NRF1: variants seen among roughly 807,000 people sequenced by gnomAD.
NRF1 encodes the protein nuclear respiratory factor 1.
Under a neutral mutation model 58.5 loss-of-function variants are expected in NRF1, and 5 were observed. The ratio of observed to expected loss-of-function variants is 0.09; its 90% CI spans 0.04 to 0.18. NRF1 has a LOEUF of 0.18. Among genes scored for constraint, NRF1 ranks in the 10% least tolerant of loss-of-function variants. The pLI is 1.00. For missense variants in NRF1, 288 were observed against 657.7 expected, an observed-to-expected ratio of 0.44 and a Z score of 6.15; for synonymous variants, 224 against 246.7, an observed-to-expected ratio of 0.91 and a Z score of 0.86.
chr7:129,612,753 G>C (rs931892767), intron 1 of NRF1, among the ~76,000 whole-genome samples: 1 of 152,146 alleles, frequency 6.6e-6, no homozygotes, highest in African/African-American at 2.4e-5. Context: ...GACCTTTTCG[G>C]GTTTGTCATT....
chr7:129,619,997 G>A (rs1800756544), intron 1 of NRF1, among the ~76,000 whole-genome samples: 1 of 152,018 alleles, frequency 6.6e-6, no homozygotes, highest in Admixed American at 6.6e-5. Flanking sequence ...TGGGGAGAGG[G>A]TCCACAACAT....
At chr7:129,655,023 G>A (rs1233500696) in intron 1 of NRF1, among the ~76,000 whole-genome samples, 1 of 152,174 alleles carries the variant, frequency 6.6e-6, no homozygotes, top group Non-Finnish European at 1.5e-5. Flanking sequence ...GGACAATGTT[G>A]AATCTAGAGA....
intron 1 of NRF1, among the ~76,000 whole-genome samples, chr7:129,620,275 T>C (rs1584578413): frequency 6.6e-6 from 1 of 152,200 alleles, no homozygotes; most frequent in African/African-American, 2.4e-5. Flanking sequence ...TTTCAGAATT[T>C]TGTCAAGTCT....
At chr7:129,613,440 G>A (rs1267664201) in intron 1 of NRF1, among the ~76,000 whole-genome samples, 1 of 152,030 alleles carries the variant, frequency 6.6e-6, no homozygotes, top group Non-Finnish European at 1.5e-5. Context: ...TTATGAGTCC[G>A]AAAGCAGACA....
chr7:129,723,679 T>C (rs1466858672), intron 9 of NRF1, among the ~76,000 whole-genome samples: 1 of 151,896 alleles, frequency 6.6e-6, no homozygotes, highest in East Asian at 1.9e-4. Flanking sequence ...CCTTTCCCTA[T>C]TGAATGGTGT....
intron 1 of NRF1, among the ~76,000 whole-genome samples, chr7:129,614,226 C>T (rs1440467413): frequency 3.3e-5 from 5 of 152,124 alleles, no homozygotes; most frequent in East Asian, 1.9e-4. Flanking sequence ...AGCGATTCTT[C>T]GGCCTCAGCC....
chr7:129,743,346 G>T (rs1055900257), intron 10 of NRF1, among the ~76,000 whole-genome samples: 1 of 152,174 alleles, frequency 6.6e-6, no homozygotes, highest in Non-Finnish European at 1.5e-5. Context: ...AAAACAAGAG[G>T]GCATGTGAAC....
In NRF1 at chr7:129,677,100, TC is replaced by T. The variant is rs368640817; in HGVS notation, c.339-530del. ...ATCTTGGTTCACTGCAACCTCCACC[TC>T]CTGGATTCAAGCAATTCTCGTGCCT... On this transcript the variant is annotated intron_variant, in intron 3 of 10. Coordinates refer to ENST00000393232, the MANE Select transcript of NRF1 (RefSeq NM_005011.5). Among the ~76,000 whole-genome samples the T allele has an allele frequency of 4.7e-3, 673 of 142,216 alleles. 3 individuals are homozygous for T. The highest frequency in any genetic ancestry group is 0.016 in the African/African-American group (636 of 38,960). 93.3% of individuals were successfully genotyped at this position (142,216 alleles called of 152,430 possible). A position where few individuals can be genotyped will look rare whatever the true frequency, so the allele number is the denominator to read the frequency against.
At chr7:129,721,591 C>T (rs1344344064) in intron 9 of NRF1, among the ~76,000 whole-genome samples, 4 of 151,836 alleles carry the variant, frequency 2.6e-5, no homozygotes, top group African/African-American at 7.3e-5. Flanking sequence ...ACACCATTCT[C>T]CTGCCTCGGT....
rs548506607 is a variant in NRF1 at position 129,707,140 on chromosome 7, C to T, written c.607-1935C>T. Among the ~76,000 whole-genome samples the T allele has an allele frequency of 2.0e-5, 3 of 152,134 alleles. 1 individual carries two copies. In the East Asian group the frequency reaches 5.8e-4, roughly 29 times the overall value. On this transcript the variant is annotated intron_variant, in intron 5 of 10. Coordinates refer to ENST00000393232, the MANE Select transcript of NRF1 (RefSeq NM_005011.5). Reference sequence around the variant, plus strand: ...TCTCTAGTAGCTGGGACTACAGGCACGTGCCACTGTAACCGACTGAGTTTT... The same window carrying T: ...TCTCTAGTAGCTGGGACTACAGGCATGTGCCACTGTAACCGACTGAGTTTT...
chr7:129,745,320 G>A (rs1039269644), intron 10 of NRF1, among the ~76,000 whole-genome samples: 1 of 152,116 alleles, frequency 6.6e-6, no homozygotes, highest in Admixed American at 6.5e-5. Flanking sequence ...CAGATCAGAT[G>A]TCCTCCAGAG....
intron 4 of NRF1, among the ~76,000 whole-genome samples, chr7:129,687,199 A>G (rs895624309): frequency 1.3e-5 from 2 of 151,524 alleles, no homozygotes; most frequent in Admixed American, 6.6e-5. Flanking sequence ...AAAACAGGCA[A>G]TGCTATATTT....
rs894419918 is a variant in NRF1, at chr7:129,741,177, A to T, written c.1348+13812A>T. On this transcript the variant is annotated intron_variant, in intron 10 of 10. Transcript: ENST00000393232. This position sits in a 1 kb window ranked among gnomAD's most constrained non-coding sequence, Gnocchi z 4.0. ...ACTCAATGAGCCAGCACACCATCCT[A>T]TGAACAGAACACCAATCTGAGCCAG... 1.3e-5 allele frequency among the ~76,000 whole-genome samples: 2 copies of T among 152,098 alleles called. No individual in the cohort carries two copies. Among genetic ancestry groups the T allele is most frequent in the Admixed American group, 6.6e-5 (1 of 15,252 alleles).
intron 3 of NRF1, among the ~76,000 whole-genome samples, chr7:129,672,345 T>C (rs1317306181): frequency 6.6e-6 from 1 of 151,720 alleles, no homozygotes; most frequent in Non-Finnish European, 1.5e-5. Flanking sequence ...GCCTAGGAGA[T>C]CTTATAGTCC....
chr7:129,694,735 T>A (rs1318413714), intron 5 of NRF1, among the ~76,000 whole-genome samples: 1 of 152,162 alleles, frequency 6.6e-6, no homozygotes, highest in Non-Finnish European at 1.5e-5. Context: ...AGGGTTTTAT[T>A]TCCACCCAAA....
chr7:129,666,669 C>G (rs887342021), intron 2 of NRF1, among the ~76,000 whole-genome samples: 2 of 152,032 alleles, frequency 1.3e-5, no homozygotes, highest in African/African-American at 4.8e-5. Flanking sequence ...GTAGCTGGGA[C>G]TAGAGGCACA....
At chr7:129,647,239 A>T (rs1056171447) in intron 1 of NRF1, among the ~76,000 whole-genome samples, 1 of 151,860 alleles carries the variant, frequency 6.6e-6, no homozygotes, top group African/African-American at 2.4e-5. Context: ...GGGTTTTACC[A>T]TGTTGGCCCG....
intron 5 of NRF1, among the ~76,000 whole-genome samples, chr7:129,692,314 C>G (rs1802588828): frequency 6.6e-6 from 1 of 152,126 alleles, no homozygotes; most frequent in Non-Finnish European, 1.5e-5. Flanking sequence ...TGCCTGTAAT[C>G]AAGAGGAGGA....
intron 1 of NRF1, among the ~76,000 whole-genome samples, chr7:129,648,189 A>G (rs369959558): frequency 1.8e-4 from 28 of 151,900 alleles, no homozygotes; most frequent in Admixed American, 5.2e-4. Flanking sequence ...TTTTGTTTAT[A>G]GTATCATCAA....
Sources: allele counts gnomAD v4.1 joint callset (sites outside exome capture counted in the v4.1 genomes callset), GRCh38; gene constraint gnomAD v4.1.1; non-coding constraint Gnocchi (gnomAD v3.1); transcripts MANE v1.5; gene names NCBI Gene and HGNC (gene_info 2026-07-23, HGNC 2026-07-21).